The following CCSER1 variants were observed in gnomAD, a reference collection of about 807,000 sequenced individuals.
CCSER1 encodes the protein serine-rich coiled-coil domain-containing protein 1.
Under a neutral mutation model 82.0 loss-of-function variants are expected in CCSER1, and 41 were observed. The ratio of observed to expected loss-of-function variants is 0.50; its 90% confidence interval spans 0.39 to 0.65. CCSER1 has a LOEUF of 0.65. Among genes scored for constraint, CCSER1 ranks in the 30% least tolerant of loss-of-function variants. The pLI, the probability that CCSER1 is intolerant of heterozygous loss-of-function variation, is 0.00. For synonymous variants in CCSER1, 414 were observed against 383.9 expected (o/e 1.08, Z -0.92); for missense variants, 1,119 against 1,064.2 (o/e 1.05, Z -0.72).
intron 6 of CCSER1, among the ~76,000 whole-genome samples, chr4:90,649,212 T>A (rs1728270076): frequency 6.6e-6 from 1 of 152,156 alleles, no homozygotes; most frequent in Non-Finnish European, 1.5e-5. Context: ...GAAATGAAGA[T>A]CAACTTTGAT....
intron 10 of CCSER1, among the ~76,000 whole-genome samples, chr4:91,459,012 GT>G (rs1278959682): frequency 3.3e-5 from 5 of 151,710 alleles, no homozygotes; most frequent in African/African-American, 7.2e-5. Context: ...GAACTTATGG[GT>G]TTTTTTTCCC....
At chr4:91,054,565 T>C (rs1198479100) in intron 9 of CCSER1, among the ~76,000 whole-genome samples, 1 of 152,156 alleles carries the variant, frequency 6.6e-6, no homozygotes, top group Non-Finnish European at 1.5e-5. Context: ...ATGGAATATC[T>C]TTTCCATTCT....
intron 1 of CCSER1, among the ~76,000 whole-genome samples, chr4:90,248,607 C>G (rs184496312): frequency 6.6e-6 from 1 of 152,136 alleles, no homozygotes; most frequent in Non-Finnish European, 1.5e-5. Context: ...TGCTACTTCT[C>G]TGCTACATCT....
At chr4:91,223,426 A>T (rs1737909196) in intron 10 of CCSER1, among the ~76,000 whole-genome samples, 1 of 152,178 alleles carries the variant, frequency 6.6e-6, no homozygotes, top group Non-Finnish European at 1.5e-5. Context: ...TAAAAGGTAC[A>T]TAAGTATAAT....
At chr4:90,261,696 C>A (rs1408651662) in intron 1 of CCSER1, among the ~76,000 whole-genome samples, 1 of 152,164 alleles carries the variant, frequency 6.6e-6, no homozygotes, top group African/African-American at 2.4e-5. Context: ...AATATCTTTT[C>A]AAACTTTTAG....
At chr4:91,576,310 T>C (rs1229275392) in intron 10 of CCSER1, among the ~76,000 whole-genome samples, 3 of 151,926 alleles carry the variant, frequency 2.0e-5, no homozygotes, top group African/African-American at 4.8e-5. Flanking sequence ...AGAAGACAAA[T>C]ACTACATAAT....
intron 10 of CCSER1, among the ~76,000 whole-genome samples, chr4:91,303,657 C>G (rs1330603269): frequency 4.0e-5 from 6 of 151,568 alleles, no homozygotes; most frequent in Non-Finnish European, 8.8e-5. Context: ...TAGCTAGGTG[C>G]AGTGGTGCAT....
chr4:91,496,907 G>T (rs1024784708), intron 10 of CCSER1, among the ~76,000 whole-genome samples: 1 of 140,492 alleles, frequency 7.1e-6, no homozygotes, highest in South Asian at 2.2e-4. Flanking sequence ...AACTAAATTT[G>T]CAGGAAAGCC....
intron 4 of CCSER1, among the ~76,000 whole-genome samples, chr4:90,462,234 T>C (rs1445018768): frequency 1.3e-5 from 2 of 152,188 alleles, no homozygotes; most frequent in African/African-American, 4.8e-5. Flanking sequence ...GTAAAAGATA[T>C]AAAGAAGTTT....
intron 1 of CCSER1, among the ~76,000 whole-genome samples, chr4:90,192,349 A>T (rs139322586): frequency 6.6e-6 from 1 of 152,064 alleles, no homozygotes; most frequent in African/African-American, 2.4e-5. Context: ...GGAATTCAAG[A>T]TGAGATTTGG....
intron 10 of CCSER1, among the ~76,000 whole-genome samples, chr4:91,301,414 G>GA (rs1237967033): frequency 2.0e-5 from 3 of 151,304 alleles, no homozygotes; most frequent in African/African-American, 7.3e-5. Context: ...ATTCCAAGTG[G>GA]AAAAAAATGT....
intron 1 of CCSER1, among the ~76,000 whole-genome samples, chr4:90,261,014 C>T (rs771915389): frequency 6.6e-6 from 1 of 152,152 alleles, no homozygotes; most frequent in Non-Finnish European, 1.5e-5. Context: ...CCACACCTGG[C>T]TAGGTGTTGG....
At chr4:90,430,692 A>C (rs567846372) in intron 4 of CCSER1, among the ~76,000 whole-genome samples, 2 of 151,982 alleles carry the variant, frequency 1.3e-5, no homozygotes, top group South Asian at 4.1e-4. Flanking sequence ...TTCTAATAGG[A>C]AAATATGTGG....
At chr4:91,171,081 CTT>C (rs977496774) in intron 10 of CCSER1, among the ~76,000 whole-genome samples, 1 of 151,516 alleles carries the variant, frequency 6.6e-6, no homozygotes, top group Admixed American at 6.6e-5. Context: ...CTAGGACAAA[CTT>C]TTTTTTTCCA....
intron 1 of CCSER1, among the ~76,000 whole-genome samples, chr4:90,242,675 T>A (rs770140376): frequency 1.8e-4 from 27 of 152,232 alleles, no homozygotes; most frequent in Non-Finnish European, 3.4e-4. Flanking sequence ...CCTTTGGTTA[T>A]AAGGATAACA....
chr4:91,515,893 A>G (rs1366759235), intron 10 of CCSER1, among the ~76,000 whole-genome samples: 2 of 148,386 alleles, frequency 1.3e-5, no homozygotes, highest in African/African-American at 5.0e-5. Flanking sequence ...ACTTCTTAAT[A>G]ATAGCCATTC....
chr4:91,568,600 A>C (rs1763014609), intron 10 of CCSER1, among the ~76,000 whole-genome samples: 1 of 152,066 alleles, frequency 6.6e-6, no homozygotes, highest in Non-Finnish European at 1.5e-5. Flanking sequence ...CCAGTCTTAA[A>C]GTTCTGAGAT....
At chr4:90,655,331 T>A (rs1047967576) in intron 6 of CCSER1, among the ~76,000 whole-genome samples, 1 of 152,054 alleles carries the variant, frequency 6.6e-6, no homozygotes, top group East Asian at 1.9e-4. Flanking sequence ...ATTAAAAAAT[T>A]TCTGTAGCAC....
intron 10 of CCSER1, among the ~76,000 whole-genome samples, chr4:91,089,903 C>T (rs547894757): frequency 3.9e-5 from 6 of 152,262 alleles, no homozygotes; most frequent in African/African-American, 1.4e-4. Context: ...TCCACAAACT[C>T]CTCCTTCAGC....
Sources: allele counts gnomAD v4.1 joint callset (sites outside exome capture counted in the v4.1 genomes callset), GRCh38; gene constraint gnomAD v4.1.1; transcripts MANE v1.5; gene names NCBI Gene and HGNC (gene_info 2026-07-23, HGNC 2026-07-21).